DNAH12: variants seen among roughly 807,000 people sequenced by gnomAD.
DNAH12 encodes the protein axonemal beta dynein heavy chain 12.
Under a neutral mutation model 371.5 loss-of-function variants are expected in DNAH12, and 285 were observed. The observed-to-expected ratio is 0.77, with a 90% CI of 0.70 to 0.85. The LOEUF is 0.85. Among genes scored for constraint, DNAH12 ranks in the 40% least tolerant of loss-of-function variants. DNAH12 has a pLI of 0.00. For missense variants in DNAH12, 3,611 were observed against 3,689.4 expected, an observed-to-expected ratio of 0.98 and a Z score of 0.55; for synonymous variants, 1,200 against 1,213.0, an observed-to-expected ratio of 0.99 and a Z score of 0.22.
intron 69 of DNAH12, among the ~76,000 whole-genome samples, chr3:57,308,345 TA>T (rs2061515081): frequency 6.6e-6 from 1 of 152,010 alleles, no homozygotes; most frequent in Non-Finnish European, 1.5e-5. Flanking sequence ...TTCAGTGAAC[TA>T]ATGGTCTTTT....
chr3:57,450,250 T>TTAAAAAAAAAA (rs559886102), intron 25 of DNAH12, among the ~76,000 whole-genome samples: 2 of 98,580 alleles, frequency 2.0e-5, no homozygotes, highest in African/African-American at 4.0e-5. Flanking sequence ...TGTCTCAATT[T>TTAAAAAAAAAA]AAAAAAAAAA....
chr3:57,501,719 T>TCA (rs1191384495), intron 10 of DNAH12, among the ~76,000 whole-genome samples: 1 of 152,104 alleles, frequency 6.6e-6, no homozygotes, highest in African/African-American at 2.4e-5. Context: ...CATCCTGACC[T>TCA]CACACACACT....
intron 4 of DNAH12, among the ~76,000 whole-genome samples, chr3:57,511,408 T>A (rs1233686087): frequency 6.6e-6 from 1 of 152,148 alleles, no homozygotes; most frequent in Non-Finnish European, 1.5e-5. Context: ...ATAATATAAT[T>A]TCATAAATTC....
Position 57,468,938 on chromosome 3 carries a change from A to G in DNAH12, c.2147T>C (p.Met716Thr), listed in dbSNP as rs2066283183. 8 of 1,512,068 alleles carry G rather than the reference A, an allele frequency of 5.3e-6. No homozygotes were observed. Among genetic ancestry groups the G allele is most frequent in the Non-Finnish European group, 7.0e-6 (8 of 1,135,068 alleles). 93.7% of individuals were successfully genotyped at this position (1,512,068 alleles called of 1,614,324 possible). Residue 716 changes from methionine to threonine, a missense_variant, in exon 17 of 74, where the codon ATG becomes ACG. Transcript: ENST00000495027. The part of the protein sequence containing the change: ...GGFLDLNGES[M>T]EADVEEFSRE... Reference sequence around the variant, plus strand: ...GGAAAACTCTTCCACATCAGCCTCCATGCTTTCCCCATTGAGGTCCAAAAA... The same window carrying G: ...GGAAAACTCTTCCACATCAGCCTCCGTGCTTTCCCCATTGAGGTCCAAAAA...
chr3:57,420,056 A>G (rs184300734), intron 36 of DNAH12, among the ~76,000 whole-genome samples: 1 of 152,336 alleles, frequency 6.6e-6, no homozygotes, highest in African/African-American at 2.4e-5. Context: ...TCTCTTTGGC[A>G]TTTTGATCCA....
At position 57,384,945 on chromosome 3, in the gene DNAH12, C is replaced by T. The variant is rs1281594277; in HGVS notation, c.7744G>A (p.Glu2582Lys). Residue 2582 changes from glutamate (E) to lysine (K), a missense_variant, in exon 49 of 74, where the codon GAG (glutamate) becomes AAG (lysine). Around this residue, in one of 3 missense-constraint regions of DNAH12, gnomAD observed 2,266 missense variants for 2,236.9 expected, o/e 1.01. Transcript: ENST00000495027. ...AKRQFVKLDE[E>K]IASGKAEEAQ... is the part of the protein sequence containing the mutation. ...TCTTCAGCTTTCCCACTGGCTATCT[C>T]TTCATCCAATTTCACAAATTGTCTT... The T allele has an allele frequency of 6.6e-6, 1 of 152,186 alleles. No individual in the cohort carries two copies. The highest frequency in any genetic ancestry group is 2.4e-5 in the African/African-American group (1 of 41,458). 9.4% of individuals were successfully genotyped at this position (152,186 alleles called of 1,614,324 possible). A position where few individuals can be genotyped will look rare whatever the true frequency, so the allele number is the denominator to read the frequency against.
intron 25 of DNAH12, among the ~76,000 whole-genome samples, chr3:57,448,480 C>T (rs372706156): frequency 3.3e-5 from 5 of 152,226 alleles, no homozygotes; most frequent in African/African-American, 4.8e-5. Context: ...CTCGTGGTCT[C>T]GCTGGCTTCA....
At chr3:57,309,891 C>T (rs1173962367) in intron 67 of DNAH12, 37 bp from the exon 68 acceptor site, 1 of 1,520,820 alleles carries the variant, frequency 6.6e-7, no homozygotes, top group East Asian at 2.5e-5. Flanking sequence ...TCATATTTTC[C>T]CTGGATACTG....
chr3:57,424,489 G>A (rs902410058), intron 35 of DNAH12, among the ~76,000 whole-genome samples: 3 of 114,536 alleles, frequency 2.6e-5, no homozygotes, highest in African/African-American at 1.1e-4. Context: ...AAAAAAAATT[G>A]GATAGTTGCC....
chr3:57,428,755 C>T lies in DNAH12; in HGVS notation c.5131G>A (p.Val1711Met). The T allele has an allele frequency of 6.4e-7, 1 of 1,551,450 alleles. No homozygotes were observed. The highest frequency in any genetic ancestry group is 8.7e-7 in the Non-Finnish European group (1 of 1,146,912). The part of the protein sequence containing the change: ...EPSQLGWEPL[V>M]SSWLNSLKGP... ...TTCAGTGAATTCAACCAAGAAGACA[C>T]AAGTGGTTCCCATCCTAACTGTGAA... Residue 1711 changes from valine to methionine, a missense_variant, in exon 34 of 74, where the codon GTG (valine) becomes ATG (methionine). By Grantham distance (21) the Val-to-Met change is conservative. This residue lies in a region of DNAH12 where 2,266 missense variants were observed against 2,236.9 expected (regional missense o/e 1.01). Transcript: ENST00000495027.
At chr3:57,479,883 A>G (rs2066674476) in intron 13 of DNAH12, among the ~76,000 whole-genome samples, 1 of 152,224 alleles carries the variant, frequency 6.6e-6, no homozygotes, top group Non-Finnish European at 1.5e-5. Context: ...GAGAACAAAG[A>G]CACAACATAC....
In DNAH12 at chr3:57,419,645, T is replaced by C. The variant is rs146789894; in HGVS notation, c.5563-127A>G. 191 of 578,504 alleles carry C rather than the reference T, an allele frequency of 3.3e-4. 2 individuals carry two copies. The highest frequency in any genetic ancestry group is 2.9e-3 in the African/African-American group (149 of 51,588). 35.8% of individuals were successfully genotyped at this position (578,504 alleles called of 1,614,324 possible). ...AAGTCTTCCCCCTTTTAATGAAATA[T>C]TACATTCACATAAAAGAACACATAT... On this transcript the variant is annotated intron_variant, in intron 36 of 73. Transcript: ENST00000495027.
At chr3:57,295,409 T>A in intron 73 of DNAH12, 116 bp downstream of exon 73, 2 of 680,646 alleles carry the variant, frequency 2.9e-6, no homozygotes. Context: ...TAATGTTTAT[T>A]ATAATTGAGC....
In DNAH12 at chr3:57,414,064, C is replaced by T. The variant is rs141112946; in HGVS notation, c.5854-152G>A. On this transcript the variant is annotated intron_variant, in intron 38 of 73. Transcript: ENST00000495027. Reference sequence around the variant, plus strand: ...AACAATTACTATTTGCTTAATTTATCAATGATTAACTTAACATAAAATACC... The same window carrying T: ...AACAATTACTATTTGCTTAATTTATTAATGATTAACTTAACATAAAATACC... Among the ~76,000 whole-genome samples the T allele has an allele frequency of 3.2e-4, 48 of 152,056 alleles. 1 individual carries two copies. Among genetic ancestry groups the T allele is most frequent in the Non-Finnish European group, 2.8e-4 (19 of 67,990 alleles).
intron 66 of DNAH12, among the ~76,000 whole-genome samples, chr3:57,312,989 G>A (rs892237679): frequency 1.3e-5 from 2 of 152,172 alleles, no homozygotes; most frequent in African/African-American, 4.8e-5. Flanking sequence ...CTACCTGACT[G>A]AAATCTAATA....
chr3:57,356,444 A>AAAATAAAT (rs1174174898), intron 59 of DNAH12, among the ~76,000 whole-genome samples: 5,993 of 137,776 alleles, frequency 0.043, 169 homozygotes, highest in East Asian at 0.057. Flanking sequence ...CCTTGTCTCA[A>AAAATAAAT]AAATAAATAA....
At chr3:57,534,985 A>T (rs1259100748) in intron 2 of DNAH12, among the ~76,000 whole-genome samples, 1 of 152,214 alleles carries the variant, frequency 6.6e-6, no homozygotes, top group Non-Finnish European at 1.5e-5. Flanking sequence ...TGTTTTAGGC[A>T]TAGGCTTAAG....
chr3:57,460,096 C>G (rs2066013689), intron 19 of DNAH12, among the ~76,000 whole-genome samples: 1 of 152,078 alleles, frequency 6.6e-6, no homozygotes, highest in Non-Finnish European at 1.5e-5. Context: ...CAGTGGTTAT[C>G]AACCACAGGC....
intron 66 of DNAH12, among the ~76,000 whole-genome samples, chr3:57,313,043 A>C (rs1407459163): frequency 6.6e-6 from 1 of 152,180 alleles, no homozygotes; most frequent in Non-Finnish European, 1.5e-5. Flanking sequence ...TTTTCACTTC[A>C]TTAGGTCCTA....
Sources: gnomAD v4.1 joint callset for allele counts (sites outside exome capture counted in the v4.1 genomes callset) on GRCh38, gnomAD v4.1.1 for gene constraint, gnomAD v4.1.1 regional missense constraint, MANE v1.5 for transcripts, NCBI Gene and HGNC (gene_info 2026-07-23, HGNC 2026-07-21) for gene names.